The following KBTBD2 variants were observed in gnomAD, a reference collection of about 807,000 sequenced individuals.
KBTBD2 encodes the protein kelch repeat and BTB domain containing 2, also known as kelch repeat and BTB domain-containing protein 2.
Under a neutral mutation model 57.1 loss-of-function variants are expected in KBTBD2, and 17 were observed. The observed-to-expected ratio is 0.30, with a 90% CI of 0.20 to 0.45. The LOEUF is 0.45. Ranked by LOEUF, KBTBD2 falls within the 20% of genes least tolerant of loss-of-function variation. KBTBD2 has a pLI of 1.00. For synonymous variants in KBTBD2, 267 were observed against 262.7 expected (o/e 1.02, Z -0.16); for missense variants, 515 against 750.6 (o/e 0.69, Z 3.67).
At chr7:32,875,315 A>G (rs1323109314) in intron 2 of KBTBD2, among the ~76,000 whole-genome samples, 158 bp from the exon 3 acceptor site, 1 of 152,194 alleles carries the variant, frequency 6.6e-6, no homozygotes, top group Non-Finnish European at 1.5e-5. Context: ...TCTGTCCCCC[A>G]GGCTGGAGTG....
intron 2 of KBTBD2, among the ~76,000 whole-genome samples, chr7:32,877,878 G>A (rs1190280612): frequency 6.6e-6 from 1 of 152,074 alleles, no homozygotes; most frequent in African/African-American, 2.4e-5. Flanking sequence ...GGAGGCCGAG[G>A]CGGGTGGATC....
At chr7:32,883,185 C>T (rs1245359724) in intron 1 of KBTBD2, among the ~76,000 whole-genome samples, 1 of 152,024 alleles carries the variant, frequency 6.6e-6, no homozygotes, top group Non-Finnish European at 1.5e-5. Context: ...CAAGACCAGC[C>T]TGACCAACAT....
At chr7:32,887,309 C>T (rs1179118072) in intron 1 of KBTBD2, among the ~76,000 whole-genome samples, 2 of 152,176 alleles carry the variant, frequency 1.3e-5, no homozygotes, top group Non-Finnish European at 2.9e-5. Flanking sequence ...ATAAGTGTTA[C>T]TGATCTGTTA....
intron 1 of KBTBD2, among the ~76,000 whole-genome samples, chr7:32,889,645 T>C (rs1784680146): frequency 6.6e-6 from 1 of 152,142 alleles, no homozygotes; most frequent in South Asian, 2.1e-4. Context: ...TACTGAGTTA[T>C]TTAAGTATCA....
At position 32,884,976 on chromosome 7, in the gene KBTBD2, G is replaced by GTATA. The variant is rs529084573; in HGVS notation, c.-338-5038_-338-5035dup. ...TATATATATATGTGTGTATGTGTGT[G>GTATA]TATATATATATATACACATATATGT... On this transcript the variant is annotated intron_variant, in intron 1 of 3. Coordinates refer to ENST00000304056, the MANE Select transcript of KBTBD2 (RefSeq NM_015483.3). Among the ~76,000 whole-genome samples, 61 of 130,076 alleles carry GTATA rather than the reference G, an allele frequency of 4.7e-4. 1 individual carries two copies. The highest frequency in any genetic ancestry group is 1.9e-3 in the African/African-American group (60 of 31,820). The allele number at this position is 130,076 out of a possible 152,430, so 85.3% of individuals were successfully genotyped here. A position where few individuals can be genotyped will look rare whatever the true frequency, so the allele number is the denominator to read the frequency against.
intron 1 of KBTBD2, among the ~76,000 whole-genome samples, chr7:32,880,725 G>A (rs1344241681): frequency 2.0e-5 from 3 of 152,044 alleles, no homozygotes; most frequent in Non-Finnish European, 4.4e-5. Flanking sequence ...ATATTTGAGG[G>A]GAAGAAGGGC....
chr7:32,873,751 A>G (rs960840940), intron 3 of KBTBD2, among the ~76,000 whole-genome samples: 1 of 152,040 alleles, frequency 6.6e-6, no homozygotes, highest in African/African-American at 2.4e-5. Flanking sequence ...AAATTACTTT[A>G]ACTTGAAATC....
At chr7:32,887,426 G>A (rs1006624699) in intron 1 of KBTBD2, among the ~76,000 whole-genome samples, 5 of 152,210 alleles carry the variant, frequency 3.3e-5, no homozygotes, top group African/African-American at 1.2e-4. Flanking sequence ...TGAGGTGACA[G>A]ATGTAAATAG....
chr7:32,878,029 T>C (rs1784355865), intron 2 of KBTBD2, among the ~76,000 whole-genome samples: 1 of 151,446 alleles, frequency 6.6e-6, no homozygotes, highest in Non-Finnish European at 1.5e-5. Flanking sequence ...CAAGAACCAC[T>C]TGAACCTGGG....
chr7:32,885,786 C>A (rs982810953), intron 1 of KBTBD2, among the ~76,000 whole-genome samples: 1 of 152,134 alleles, frequency 6.6e-6, no homozygotes, highest in South Asian at 2.1e-4. Context: ...TATTCTTACT[C>A]CTTCTTTTAA....
intron 1 of KBTBD2, among the ~76,000 whole-genome samples, chr7:32,889,731 T>G (rs546714373): frequency 9.3e-4 from 141 of 152,384 alleles, no homozygotes; most frequent in Non-Finnish European, 1.5e-3. Context: ...TCATATTTTA[T>G]GACACCAGGA....
chr7:32,878,490 G>A (rs1190433708), intron 2 of KBTBD2, among the ~76,000 whole-genome samples: 4 of 151,196 alleles, frequency 2.6e-5, no homozygotes, highest in Non-Finnish European at 5.9e-5. Context: ...TGAGGCAGCA[G>A]AATCACTTGA....
chr7:32,889,170 A>G (rs1322024561), intron 1 of KBTBD2, among the ~76,000 whole-genome samples: 1 of 151,898 alleles, frequency 6.6e-6, no homozygotes, highest in East Asian at 1.9e-4. Context: ...AAATTAGCCC[A>G]GCGTGGGCTA....
chr7:32,888,090 T>G lies in KBTBD2; in HGVS notation c.-339+3446A>C, dbSNP rs189945783. Reference sequence around the variant, plus strand: ...CTCCAAATACAGTTCTCTTTTTTCATTCTGTCTAAATGGTATTTTACATAA... The same window carrying G: ...CTCCAAATACAGTTCTCTTTTTTCAGTCTGTCTAAATGGTATTTTACATAA... On this transcript the variant is annotated intron_variant, in intron 1 of 3. Transcript: ENST00000304056. Among the ~76,000 whole-genome samples, 205 of 152,386 alleles carry G rather than the reference T, an allele frequency of 1.3e-3. 2 individuals carry two copies. Among genetic ancestry groups the G allele is most frequent in the Non-Finnish European group, 1.2e-3 (83 of 68,042 alleles).
chr7:32,879,454 T>C lies in KBTBD2; in HGVS notation c.151A>G (p.Thr51Ala), dbSNP rs1371742225. The change falls in exon 2 of 4, where the codon ACA becomes GCA. Residue 51 changes from threonine to alanine, a missense_variant. Physicochemically the swap from Thr to Ala is moderately conservative, Grantham distance 58. Transcript: ENST00000304056. ...ACTTACCTGAAATAAGAGCTACATG[T>C]TGCAAGAACCATCTTATGACAAGGG... is the stretch of plus-strand genomic sequence containing the variant. ...EFPCHKMVLA[T>A]CSSYFRAMFM... The C allele has an allele frequency of 1.2e-5, 19 of 1,610,916 alleles. No individual in the cohort carries two copies. Among genetic ancestry groups the C allele is most frequent in the Non-Finnish European group, 1.6e-5 (19 of 1,177,724 alleles).
At chr7:32,877,054 T>G (rs1363421153) in intron 2 of KBTBD2, among the ~76,000 whole-genome samples, 1 of 152,170 alleles carries the variant, frequency 6.6e-6, no homozygotes, top group Non-Finnish European at 1.5e-5. Context: ...AGTCTCACCC[T>G]GTTGCCCAGG....
Position 32,870,218 on chromosome 7 carries a change from ATTTG to A in KBTBD2, c.995_998del (p.Thr332IlefsTer15). On this transcript the variant is annotated frameshift_variant, in exon 4 of 4. Transcript: ENST00000304056. LOFTEE classifies it high-confidence loss of function. ...TCTGAAGTTTGCTTGTTTTACTGTGATTTGTTTTTGTGTTTTTCAGAGGAACTTG... is the reference window on the plus strand; with the variant it reads ...TCTGAAGTTTGCTTGTTTTACTGTGATTTTTGTGTTTTTCAGAGGAACTTG... 2 of 1,614,070 alleles carry A rather than the reference ATTTG, an allele frequency of 1.2e-6. No homozygotes were observed. Among genetic ancestry groups the A allele is most frequent in the Non-Finnish European group, 1.7e-6 (2 of 1,180,014 alleles).
rs1207772970 is a variant in KBTBD2 at position 32,869,902 on chromosome 7, T to TGAG, written c.1312_1314dup (p.Leu438dup). ...TCAGACCTTGGAAAATAACAGTACA[T>TGAG]GAGGTTCAGTGTCATCACATAAATG... is the stretch of plus-strand genomic sequence containing the variant. On this transcript the variant is annotated inframe_insertion, in exon 4 of 4. Coordinates refer to ENST00000304056, the MANE Select transcript of KBTBD2 (RefSeq NM_015483.3). The TGAG allele has an allele frequency of 6.2e-7, 1 of 1,613,892 alleles. No homozygotes were observed. Among genetic ancestry groups the TGAG allele is most frequent in the African/African-American group, 1.3e-5 (1 of 75,032 alleles).
Position 32,868,366 on chromosome 7 carries a change from A to G in KBTBD2, c.*979T>C, listed in dbSNP as rs1259650036. The G allele has an allele frequency of 2.0e-5, 3 of 152,566 alleles. No individual in the cohort carries two copies. Among genetic ancestry groups the G allele is most frequent in the African/African-American group, 7.2e-5 (3 of 41,434 alleles). 9.5% of individuals were successfully genotyped at this position (152,566 alleles called of 1,614,324 possible). On this transcript the variant is annotated 3_prime_UTR_variant, in exon 4 of 4. Transcript: ENST00000304056. ...TAGTTATCTGCTCTTCTGCACAGCT[A>G]GTGCAGAGAATTCCTGAACAGTTCA...
Sources: gnomAD v4.1 joint callset for allele counts (sites outside exome capture counted in the v4.1 genomes callset) on GRCh38, gnomAD v4.1.1 for gene constraint, MANE v1.5 for transcripts, NCBI Gene and HGNC (gene_info 2026-07-23, HGNC 2026-07-21) for gene names.